Variants in SLC36A1 observed in about 807,000 individuals in gnomAD.
SLC36A1 encodes solute carrier family 36 member 1, also known as proton-coupled amino acid transporter 1.
SLC36A1 carries 30 observed loss-of-function variants against 47.5 expected under a neutral mutation model. That is an observed-to-expected ratio of 0.63 (90% confidence interval 0.47 to 0.86). SLC36A1 has a LOEUF of 0.86. Ranked by LOEUF, SLC36A1 falls within the 40% of genes least tolerant of loss-of-function variation. SLC36A1 has a pLI of 0.00. For synonymous variants in SLC36A1, 255 were observed against 249.7 expected, an observed-to-expected ratio of 1.02 and a Z score of -0.20; for missense variants, 517 against 606.0, an observed-to-expected ratio of 0.85 and a Z score of 1.54.
intron 1 of SLC36A1, among the ~76,000 whole-genome samples, chr5:151,438,695 A>T (rs745640354): frequency 6.6e-6 from 1 of 152,172 alleles, no homozygotes; most frequent in Non-Finnish European, 1.5e-5. Context: ...ATCCTTTGAC[A>T]TATGCTCTGC....
chr5:151,426,268 G>A, the SLC36A1 span, among the ~76,000 whole-genome samples: 3 of 152,008 alleles, frequency 2.0e-5, no homozygotes, highest in African/African-American at 7.3e-5. Flanking sequence ...GTGGGCCCAG[G>A]GGACCGGTGC....
At chr5:151,527,938 A>T in the SLC36A1 span, 1 of 1,583,762 alleles carries the variant, frequency 6.3e-7, no homozygotes. Flanking sequence ...CTGGACCTGC[A>T]GTGGGACTGT....
chr5:151,546,572 C>T, the SLC36A1 span, among the ~76,000 whole-genome samples: 8 of 152,174 alleles, frequency 5.3e-5, no homozygotes, highest in Non-Finnish European at 1.2e-4. Flanking sequence ...TGGGACACAA[C>T]TTAAGCTACA....
chr5:151,399,040 GTA>G, the SLC36A1 span, among the ~76,000 whole-genome samples: 1 of 139,100 alleles, frequency 7.2e-6, no homozygotes, highest in African/African-American at 2.7e-5. Context: ...TTTAATGTGT[GTA>G]TATATATATG....
At chr5:151,462,513 T>G (rs1288460024) in intron 2 of SLC36A1, among the ~76,000 whole-genome samples, 1 of 151,868 alleles carries the variant, frequency 6.6e-6, no homozygotes, top group Non-Finnish European at 1.5e-5. Context: ...TACAGGTGCC[T>G]GCCACCACGC....
At chr5:151,462,150 A>G (rs557214382) in intron 2 of SLC36A1, among the ~76,000 whole-genome samples, 10 of 152,274 alleles carry the variant, frequency 6.6e-5, no homozygotes, top group African/African-American at 2.4e-4. Flanking sequence ...AAAAAAAACC[A>G]ACTTGTATCC....
the SLC36A1 span, among the ~76,000 whole-genome samples, chr5:151,548,505 G>C: frequency 6.6e-6 from 1 of 151,946 alleles, no homozygotes; most frequent in Non-Finnish European, 1.5e-5. Context: ...TTTTGAGATG[G>C]AGTCTTGCTG....
the SLC36A1 span, among the ~76,000 whole-genome samples, chr5:151,366,219 C>T: frequency 0.14 from 21,412 of 152,170 alleles, 4,224 homozygotes; most frequent in African/African-American, 0.44. Context: ...TGGTAGATCT[C>T]AGGAATAGAA....
At chr5:151,493,758 G>A (rs1760262073), downstream of SLC36A1, among the ~76,000 whole-genome samples, 1 of 152,206 alleles carries the variant, frequency 6.6e-6, no homozygotes. Flanking sequence ...GAACCTGAGT[G>A]CTTCCCAAGG....
At position 151,488,153 on chromosome 5, in the gene SLC36A1, G is replaced by A; in HGVS notation, c.1330G>A (p.Gly444Ser). ...TAAGGACGCCCTGATCAGCATCCTG[G>A]GCTTCGTGGGCTTTGTGGTGGGGAC... ...IFKDALISIL[G>S]FVGFVVGTYE... The change falls in exon 11 of 11, where the codon GGC (glycine) becomes AGC (serine). Residue 444 changes from glycine to serine, a missense_variant. By Grantham distance (56) the Gly-to-Ser change is moderately conservative. Coordinates refer to ENST00000243389, the MANE Select transcript of SLC36A1 (RefSeq NM_078483.4). The A allele has an allele frequency of 6.2e-7, 1 of 1,614,150 alleles. No homozygotes were observed. The highest frequency in any genetic ancestry group is 8.5e-7 in the Non-Finnish European group (1 of 1,180,000).
At chr5:151,534,768 A>G in the SLC36A1 span, 2 of 715,574 alleles carry the variant, frequency 2.8e-6, no homozygotes, top group African/African-American at 3.5e-5. Context: ...GGAGGGGTCA[A>G]TACAGTCAGG....
chr5:151,433,247 TATATATATATATATA>T (rs1759515430), upstream of SLC36A1, among the ~76,000 whole-genome samples: 1 of 14,434 alleles, frequency 6.9e-5, no homozygotes, highest in Non-Finnish European at 1.6e-4. Flanking sequence ...TATATATATA[TATATATATATATATA>T]TATATTTTTT....
chr5:151,393,764 A>G, the SLC36A1 span, among the ~76,000 whole-genome samples: 1 of 152,264 alleles, frequency 6.6e-6, no homozygotes, highest in Non-Finnish European at 1.5e-5. Flanking sequence ...GTTTCTGCCA[A>G]GAGATCAGCT....
chr5:151,467,115 A>G (rs1756511606), intron 5 of SLC36A1, 84 bp from the exon 6 acceptor site: 2 of 1,094,362 alleles, frequency 1.8e-6, no homozygotes, highest in African/African-American at 3.2e-5. Flanking sequence ...CTATTAAAAA[A>G]CAAAAACAAA....
Position 151,464,506 on chromosome 5 carries a change from G to T in SLC36A1, c.235-8G>T. On this transcript the variant is annotated splice_region_variant and splice_polypyrimidine_tract_variant and intron_variant, in intron 3 of 10. Coordinates refer to ENST00000243389, the MANE Select transcript of SLC36A1 (RefSeq NM_078483.4). ...TCTCTCTCTTTTGCCTGCAATATCTGTCCCCAGATGGGTCCCATCAGCCTG... is the reference window on the plus strand; with the variant it reads ...TCTCTCTCTTTTGCCTGCAATATCTTTCCCCAGATGGGTCCCATCAGCCTG... 6.2e-7 allele frequency: 1 copy of T among 1,612,706 alleles called. No homozygotes were observed. The highest frequency in any genetic ancestry group is 8.5e-7 in the Non-Finnish European group (1 of 1,179,308).
chr5:151,346,434 T>C, the SLC36A1 span, among the ~76,000 whole-genome samples: 1 of 152,106 alleles, frequency 6.6e-6, no homozygotes, highest in African/African-American at 2.4e-5. Context: ...TTTGTTTCCA[T>C]GCACCCTCCT....
chr5:151,506,743 C>T, the SLC36A1 span, among the ~76,000 whole-genome samples: 1 of 152,238 alleles, frequency 6.6e-6, no homozygotes, highest in Admixed American at 6.5e-5. Context: ...AGGTGATATT[C>T]CCCCTCTAGG....
the SLC36A1 span, chr5:151,510,852 A>G: frequency 0.055 from 8,412 of 152,292 alleles, 552 homozygotes; most frequent in East Asian, 0.3. Flanking sequence ...TGCAAAGGCT[A>G]GGGAAGGGTG....
At chr5:151,504,925 C>CGGA in the SLC36A1 span, 1 of 152,978 alleles carries the variant, frequency 6.5e-6, no homozygotes, top group South Asian at 2.1e-4. Context: ...TGGTGCTCCT[C>CGGA]GGAGTCCTTG....
Sources: gnomAD v4.1 joint callset for allele counts (sites outside exome capture counted in the v4.1 genomes callset) on GRCh38, gnomAD v4.1.1 for gene constraint, MANE v1.5 for transcripts, NCBI Gene and HGNC (gene_info 2026-07-23, HGNC 2026-07-21) for gene names.